GHDC: variants seen among roughly 807,000 people sequenced by gnomAD.
The protein encoded by GHDC is GH3 domain containing.
A neutral mutation model predicts 51.5 loss-of-function variants in GHDC; 39 were observed. The observed-to-expected ratio is 0.76, with a 90% confidence interval of 0.59 to 0.99. GHDC has a LOEUF of 0.99. GHDC is among the 50% of genes least tolerant of loss of function. The pLI is 0.00. For missense variants in GHDC, 610 were observed against 672.8 expected (o/e 0.91, Z 1.03); for synonymous variants, 282 against 305.2 (o/e 0.92, Z 0.79).
chr17:42,192,849 A>T, intron 4 of GHDC, 57 bp downstream of exon 4: 1 of 1,587,316 alleles, frequency 6.3e-7, no homozygotes, highest in Non-Finnish European at 8.6e-7. Flanking sequence ...TGCAAGTCAG[A>T]GGTCTCTGGT....
In GHDC at chr17:42,190,757, C is replaced by G. The variant is rs903946601; in HGVS notation, c.1155G>C (p.Arg385Ser). The change falls in exon 8 of 10, where the codon AGG (arginine) becomes AGC (serine). Residue 385 changes from arginine (R) to serine (S), a missense_variant and splice_region_variant. Physicochemically the swap from Arg to Ser is moderately radical, Grantham distance 110. Coordinates refer to ENST00000587427, the MANE Select transcript of GHDC (RefSeq NM_032484.5). ...CTCGCACACTCAGGGTCTGGTCCAGCCTGAAGAGGAGGAAGGGAGAGGCAG... is the reference window on the plus strand; with the variant it reads ...CTCGCACACTCAGGGTCTGGTCCAGGCTGAAGAGGAGGAAGGGAGAGGCAG... ...NQCPVVRFIC[R>S]LDQTLSVRGE... 3 of 1,613,962 alleles carry G rather than the reference C, an allele frequency of 1.9e-6. No individual in the cohort carries two copies. In the African/African-American group the frequency reaches 4.0e-5, roughly 22 times the overall value.
At chr17:42,193,638 A>G in intron 2 of GHDC, 44 bp from the exon 3 acceptor site, 1 of 1,486,706 alleles carries the variant, frequency 6.7e-7, no homozygotes, top group Non-Finnish European at 8.9e-7. Flanking sequence ...TGCAGCAATT[A>G]TCCATTTCTC....
In GHDC at chr17:42,193,504, A is replaced by C; in HGVS notation, c.78T>G (p.Asp26Glu). 6.4e-7 allele frequency: 1 copy of C among 1,552,770 alleles called. No individual in the cohort carries two copies. The highest frequency in any genetic ancestry group is 1.4e-5 in the African/African-American group (1 of 73,442). The change falls in exon 3 of 10, where the codon GAT becomes GAG. Residue 26 changes from aspartate to glutamate, a missense_variant. Coordinates refer to ENST00000587427, the MANE Select transcript of GHDC (RefSeq NM_032484.5). ...LALLRQQRSQDARLSWLAGLQ... is the reference protein window; with the variant it reads ...LALLRQQRSQEARLSWLAGLQ... ...GGCCAGCAAGCCAGGACAGCCTGGC[A>C]TCCTGGGACCGCTGCTGCCTGAGCA... is the stretch of plus-strand genomic sequence containing the variant.
chr17:42,191,208 C>A lies in GHDC; in HGVS notation c.892G>T (p.Val298Leu), dbSNP rs2079966639. 6.7e-7 allele frequency: 1 copy of A among 1,503,446 alleles called. No homozygotes were observed. Among genetic ancestry groups the A allele is most frequent in the Non-Finnish European group, 8.9e-7 (1 of 1,129,008 alleles). The allele number at this position is 1,503,446 out of a possible 1,614,324, so 93.1% of individuals were successfully genotyped here. A position where few individuals can be genotyped will look rare whatever the true frequency, so the allele number is the denominator to read the frequency against. Residue 298 changes from valine to leucine, a missense_variant and splice_region_variant, in exon 6 of 10, where the codon GTG (valine) becomes TTG (leucine). Physicochemically the swap from Val to Leu is conservative, Grantham distance 32. This residue lies in a region of GHDC where 412 missense variants were observed against 410.4 expected (regional missense o/e 1.00). Transcript: ENST00000587427. ...TCTGGCTGTAGGTTTAGGCCCAGCA[C>A]CCCTGTGAAAGCAAAGCAGCCTCCT... ...FSPAYAASGGVLGLNLQPEQP... is the reference protein window; with the variant it reads ...FSPAYAASGGLLGLNLQPEQP...
rs1250575063 is a variant in GHDC at position 42,189,807 on chromosome 17, C to T, written c.1489G>A (p.Ala497Thr). The T allele has an allele frequency of 4.5e-6, 7 of 1,557,246 alleles. No individual in the cohort carries two copies. In the African/African-American group the frequency reaches 9.5e-5, roughly 21 times the overall value. ...GAGGAGGGGCAGGCAGCGAGGGCTG[C>T]CCGGAGTGCTCGGAAGGCTCCCTGC... Reference protein sequence around the residue: ...VGQGAFRALRAALAACPSSPF... With the variant: ...VGQGAFRALRTALAACPSSPF... Residue 497 changes from alanine to threonine, a missense_variant, in exon 10 of 10, where the codon GCA (alanine) becomes ACA (threonine). Around this residue, in one of 2 missense-constraint regions of GHDC, gnomAD observed 412 missense variants for 410.4 expected, o/e 1.00. Transcript: ENST00000587427.
Position 42,190,658 on chromosome 17 carries a change from C to G in GHDC, c.1254G>C (p.Leu418=), listed in dbSNP as rs1244387305. 6.2e-7 allele frequency: 1 copy of G among 1,613,338 alleles called. No individual in the cohort carries two copies. Among genetic ancestry groups the G allele is most frequent in the Non-Finnish European group, 8.5e-7 (1 of 1,179,956 alleles). The stretch of plus-strand genomic sequence containing the variant: ...TGCTCTCCACACAGCCATGGTCCAG[C>G]AGCTTGGCCCCCGCCCACTGCCCCA... ...RAVGQWAGAK[L]LDHGCVESSI... Residue 418 remains leucine (L), a synonymous_variant, in exon 8 of 10, where the codon CTG becomes CTC. Transcript: ENST00000587427.
intron 5 of GHDC, among the ~76,000 whole-genome samples, chr17:42,191,758 C>CTTTT (rs71357532): frequency 1.1e-4 from 11 of 101,084 alleles, no homozygotes; most frequent in African/African-American, 2.5e-4. Context: ...CTGCCCCGGC[C>CTTTT]TTTTTTTTTT....
At position 42,189,431 on chromosome 17, in the gene GHDC, C is replaced by T. The variant is rs2079949217; in HGVS notation, c.*272G>A. ...CTCTTTGGGCTGTGATACAGGAAACCATCGGTGTGCATGGTAACTCTCTAG... is the reference window on the plus strand; with the variant it reads ...CTCTTTGGGCTGTGATACAGGAAACTATCGGTGTGCATGGTAACTCTCTAG... On this transcript the variant is annotated 3_prime_UTR_variant, in exon 10 of 10. Coordinates refer to ENST00000587427, the MANE Select transcript of GHDC (RefSeq NM_032484.5). 5.1e-6 allele frequency: 2 copies of T among 395,418 alleles called. No homozygotes were observed. The highest frequency in any genetic ancestry group is 8.9e-6 in the Non-Finnish European group (2 of 224,528). 24.5% of individuals were successfully genotyped at this position (395,418 alleles called of 1,614,324 possible).
At position 42,191,036 on chromosome 17, in the gene GHDC, T is replaced by C. The variant is rs762472058; in HGVS notation, c.1064A>G (p.Asp355Gly). 3 of 1,580,480 alleles carry C rather than the reference T, an allele frequency of 1.9e-6. No individual in the cohort carries two copies. Among genetic ancestry groups the C allele is most frequent in the East Asian group, 4.5e-5 (2 of 44,342 alleles). Reference protein sequence around the residue: ...QGKEYELVLTDRASLTRCRLG... With the variant: ...QGKEYELVLTGRASLTRCRLG... The stretch of plus-strand genomic sequence containing the variant: ...TGATCACCTGGTGAGGCTGGCGCGG[T>C]CCGTCAGCACCAGCTCATACTCCTT... Residue 355 changes from aspartate to glycine, a missense_variant, in exon 6 of 10, where the codon GAC becomes GGC. Physicochemically the swap from Asp to Gly is moderately conservative, Grantham distance 94. Transcript: ENST00000587427.
Position 42,192,555 on chromosome 17 carries a change from G to A in GHDC, c.575C>T (p.Ser192Phe). Residue 192 changes from serine to phenylalanine, a missense_variant, in exon 5 of 10, where the codon TCC becomes TTC. By Grantham distance (155) the Ser-to-Phe change is radical. Coordinates refer to ENST00000587427, the MANE Select transcript of GHDC (RefSeq NM_032484.5). ...AGCCTCCAGTGCCCTCAGCCCTGGG[G>A]ACCTCAGTGCGTCCAGCAGCAGGGC... ...PRALLLDALR[S>F]PGLRALEAGT... is the part of the protein sequence containing the mutation. 1.2e-6 allele frequency: 2 copies of A among 1,613,794 alleles called. No homozygotes were observed. The highest frequency in any genetic ancestry group is 1.7e-6 in the Non-Finnish European group (2 of 1,180,038).
rs2079988984 is a variant in GHDC, at chr17:42,193,847, TG to T, written c.-95del. On this transcript the variant is annotated splice_region_variant and 5_prime_UTR_variant, in exon 2 of 10. Transcript: ENST00000587427. ...GTGGGCTGCACTGAGCTCTGTTTCC[TG>T]ATCTGCAAAATGGGAATAAGAATAA... 2.0e-6 allele frequency: 1 copy of T among 495,630 alleles called. No individual in the cohort carries two copies. The highest frequency in any genetic ancestry group is 3.3e-5 in the East Asian group (1 of 29,968). 30.7% of individuals were successfully genotyped at this position (495,630 alleles called of 1,614,324 possible).
intron 4 of GHDC, 38 bp from the exon 5 acceptor site, chr17:42,192,780 A>G: frequency 6.5e-7 from 1 of 1,534,814 alleles, no homozygotes; most frequent in Non-Finnish European, 8.7e-7. Context: ...CTGGTGTCAG[A>G]GCCAGACCCA....
At position 42,190,606 on chromosome 17, in the gene GHDC, G is replaced by A. The variant is rs145312937; in HGVS notation, c.1288+18C>T. ...GGTAGCTCAAGGATGGTAGGCAGGA[G>A]CCGGTGGGGAGGCTCACCCAGAATG... On this transcript the variant is annotated intron_variant, in intron 8 of 9. Transcript: ENST00000587427. 994 of 1,605,292 alleles carry A rather than the reference G, an allele frequency of 6.2e-4. 12 individuals are homozygous for A. In the African/African-American group the frequency reaches 0.012, roughly 19 times the overall value.
rs539331207 is a variant in GHDC, at chr17:42,193,337, C to A, written c.245G>T (p.Cys82Phe). 1.4e-5 allele frequency: 22 copies of A among 1,604,800 alleles called. 1 individual carries two copies. In the South Asian group the frequency reaches 2.1e-4, roughly 16 times the overall value. Residue 82 changes from cysteine to phenylalanine, a missense_variant, in exon 3 of 10, where the codon TGT becomes TTT. Physicochemically the swap from Cys to Phe is radical, Grantham distance 205. This residue lies in a region of GHDC where 198 missense variants were observed against 262.3 expected (regional missense o/e 0.75). Coordinates refer to ENST00000587427, the MANE Select transcript of GHDC (RefSeq NM_032484.5). ...CACACCTGTGCTCCTTCTGAGGGAA[C>A]AGTGGGGGCGCTGGGCTCCCTGTAG... ...WCLQGAQRPH[C>F]SLRRSTDIST...
chr17:42,189,702 C>T lies in GHDC; in HGVS notation c.*1G>A, dbSNP rs1377852702. ...AGCTGGGCGGTGGGGCAGGACTTGA[C>T]TCAGGACACCACCCTCTCCTGCAGA... On this transcript the variant is annotated 3_prime_UTR_variant, in exon 10 of 10. Transcript: ENST00000587427. The T allele has an allele frequency of 1.4e-6, 2 of 1,448,286 alleles. No individual in the cohort carries two copies. The highest frequency in any genetic ancestry group is 1.8e-6 in the Non-Finnish European group (2 of 1,098,274). The allele number at this position is 1,448,286 out of a possible 1,614,324, so 89.7% of individuals were successfully genotyped here. A position where few individuals can be genotyped will look rare whatever the true frequency, so the allele number is the denominator to read the frequency against.
In GHDC at chr17:42,189,741, GC is replaced by G. The variant is rs1351659867; in HGVS notation, c.1554del (p.Arg518SerfsTer46). Reference protein sequence around the residue: ...PPAMPRVLRHRHLAQCLQERV... With the variant: ...PPAMPRVLRHXHLAQCLQERV... The stretch of plus-strand genomic sequence containing the variant: ...CTCTCCTGCAGACACTGGGCCAGGT[GC>G]CTGTGCCGAAGGACCCGGGGCATCG... On this transcript the variant is annotated frameshift_variant, in exon 10 of 10. Coordinates refer to ENST00000587427, the MANE Select transcript of GHDC (RefSeq NM_032484.5). LOFTEE classifies it high-confidence loss of function. The G allele has an allele frequency of 3.3e-6, 5 of 1,514,650 alleles. No individual in the cohort carries two copies. Among genetic ancestry groups the G allele is most frequent in the Non-Finnish European group, 4.4e-6 (5 of 1,131,732 alleles). The allele number at this position is 1,514,650 out of a possible 1,614,324, so 93.8% of individuals were successfully genotyped here.
intron 1 of GHDC, 176 bp downstream of exon 1, chr17:42,194,217 G>T: frequency 6.5e-6 from 1 of 152,930 alleles, no homozygotes; most frequent in Non-Finnish European, 1.5e-5. Context: ...AGAAAAGAAG[G>T]AAGAGGAAGG....
intron 5 of GHDC, 74 bp downstream of exon 5, chr17:42,192,167 G>A: frequency 2.7e-6 from 4 of 1,483,122 alleles, no homozygotes; most frequent in Non-Finnish European, 3.6e-6. Flanking sequence ...GATTATGTAG[G>A]GCCCAATGCA....
intron 8 of GHDC, 142 bp from the exon 9 acceptor site, chr17:42,190,412 G>A: frequency 6.5e-7 from 1 of 1,528,448 alleles, no homozygotes; most frequent in East Asian, 2.4e-5. Context: ...GGTAAATGGA[G>A]AGGAACCTAG....
Sources: gnomAD v4.1 joint callset for allele counts (sites outside exome capture counted in the v4.1 genomes callset) on GRCh38, gnomAD v4.1.1 for gene constraint, gnomAD v4.1.1 regional missense constraint, MANE v1.5 for transcripts, NCBI Gene and HGNC (gene_info 2026-07-23, HGNC 2026-07-21) for gene names.